DYRK2: variants seen among roughly 807,000 people sequenced by gnomAD.
The protein encoded by DYRK2 is dual specificity tyrosine phosphorylation regulated kinase 2.
In DYRK2, 12 loss-of-function variants were observed where a neutral mutation model predicts 41.6. The ratio of observed to expected loss-of-function variants is 0.29; its 90% CI spans 0.18 to 0.47. The LOEUF is 0.47. DYRK2 is among the 20% of genes least tolerant of loss of function. DYRK2 has a pLI of 1.00. For synonymous variants in DYRK2, 322 were observed against 315.7 expected (o/e 1.02, Z -0.21); for missense variants, 678 against 798.4 (o/e 0.85, Z 1.82).
Position 67,657,116 on chromosome 12 carries a change from G to A in DYRK2, c.209G>A (p.Ser70Asn), listed in dbSNP as rs1370110230. Reference sequence around the variant, plus strand: ...CTGTCTGAATTCCAGATTGGCGGCAGTAAGCACACAATGAATGATCACCTG... The same window carrying A: ...CTGTCTGAATTCCAGATTGGCGGCAATAAGCACACAATGAATGATCACCTG... The part of the protein sequence containing the change: ...AAAAAHTIGG[S>N]KHTMNDHLHV... Residue 70 changes from serine to asparagine, a missense_variant, in exon 3 of 3, where the codon AGT becomes AAT. Coordinates refer to ENST00000344096, the MANE Select transcript of DYRK2 (RefSeq NM_006482.3). The surrounding 1 kb of genome is among the most constrained non-coding windows in gnomAD (Gnocchi z 4.8). 1 of 1,554,562 alleles carries A rather than the reference G, an allele frequency of 6.4e-7. No individual in the cohort carries two copies. The highest frequency in any genetic ancestry group is 2.3e-5 in the East Asian group (1 of 44,240).
rs538343678 is a variant in DYRK2, at chr12:67,661,109, T to C, written c.*2396T>C. 7.8e-4 allele frequency: 130 copies of C among 166,468 alleles called. No homozygotes were observed. Among genetic ancestry groups the C allele is most frequent in the Middle Eastern group, 3.4e-3 (1 of 296 alleles). 10.3% of individuals were successfully genotyped at this position (166,468 alleles called of 1,614,324 possible). On this transcript the variant is annotated 3_prime_UTR_variant, in exon 3 of 3. Coordinates refer to ENST00000344096, the MANE Select transcript of DYRK2 (RefSeq NM_006482.3). ...CAGCACTGTAGGGCTTTTTTTTTTT[T>C]CCCTCCAAATACAGTGAAATTTTTT...
Position 67,661,766 on chromosome 12 carries a change from G to A in DYRK2, c.*3053G>A, listed in dbSNP as rs921011390. 3 of 166,636 alleles carry A rather than the reference G, an allele frequency of 1.8e-5. No homozygotes were observed. The highest frequency in any genetic ancestry group is 4.4e-5 in the Non-Finnish European group (3 of 68,062). 10.3% of individuals were successfully genotyped at this position (166,636 alleles called of 1,614,324 possible). A position where few individuals can be genotyped will look rare whatever the true frequency, so the allele number is the denominator to read the frequency against. ...ATTTAAGGGGTTAAAGATGGTCTTT[G>A]TTGTATCTTAACATCAGACTGATTT... is the stretch of plus-strand genomic sequence containing the variant. On this transcript the variant is annotated 3_prime_UTR_variant, in exon 3 of 3. Coordinates refer to ENST00000344096, the MANE Select transcript of DYRK2 (RefSeq NM_006482.3).
intron 2 of DYRK2, chr12:67,651,418 G>T: frequency 3.0e-6 from 1 of 337,576 alleles, no homozygotes; most frequent in Non-Finnish European, 5.8e-6. Flanking sequence ...TGTAAGGATG[G>T]GCTTTGCTTG....
chr12:67,649,647 G>C, intron 1 of DYRK2, 150 bp from the exon 2 acceptor site: 1 of 901,752 alleles, frequency 1.1e-6, no homozygotes. Flanking sequence ...CTGGGGAGCC[G>C]TGACCCGAAC....
intron 2 of DYRK2, chr12:67,651,385 G>C (rs1300488680): frequency 6.5e-6 from 2 of 309,802 alleles, no homozygotes; most frequent in Non-Finnish European, 1.3e-5. Flanking sequence ...AGAACTATTT[G>C]GTTTGCATGT....
At chr12:67,650,389 A>C (rs940230235) in intron 2 of DYRK2, among the ~76,000 whole-genome samples, 1 of 152,106 alleles carries the variant, frequency 6.6e-6, no homozygotes, top group Admixed American at 6.5e-5. Context: ...CGATCCCCCA[A>C]AGAGCCTCCC....
At position 67,661,485 on chromosome 12, in the gene DYRK2, A is replaced by G. The variant is rs1872622460; in HGVS notation, c.*2772A>G. ...AACAGAGTGGTGCAAGACACTGTAGATTAACGGTAGAGGAGAAATTGTGCC... is the reference window on the plus strand; with the variant it reads ...AACAGAGTGGTGCAAGACACTGTAGGTTAACGGTAGAGGAGAAATTGTGCC... On this transcript the variant is annotated 3_prime_UTR_variant, in exon 3 of 3. Coordinates refer to ENST00000344096, the MANE Select transcript of DYRK2 (RefSeq NM_006482.3). 2 of 167,090 alleles carry G rather than the reference A, an allele frequency of 1.2e-5. No homozygotes were observed. Among genetic ancestry groups the G allele is most frequent in the South Asian group, 4.1e-4 (2 of 4,828 alleles). 10.4% of individuals were successfully genotyped at this position (167,090 alleles called of 1,614,324 possible). A position where few individuals can be genotyped will look rare whatever the true frequency, so the allele number is the denominator to read the frequency against.
rs1872647360 is a variant in DYRK2 at position 67,662,353 on chromosome 12, GT to G, written c.*3641del. ...CAACTGCTACAGTTCTGTCTAGGCAGTGGCTTGGGTTTTTATCGAGCAACAA... is the reference window on the plus strand; with the variant it reads ...CAACTGCTACAGTTCTGTCTAGGCAGGGCTTGGGTTTTTATCGAGCAACAA... On this transcript the variant is annotated 3_prime_UTR_variant, in exon 3 of 3. Coordinates refer to ENST00000344096, the MANE Select transcript of DYRK2 (RefSeq NM_006482.3). 6.0e-6 allele frequency: 1 copy of G among 166,992 alleles called. No individual in the cohort carries two copies. The highest frequency in any genetic ancestry group is 2.1e-4 in the South Asian group (1 of 4,822). The allele number at this position is 166,992 out of a possible 1,614,324, so 10.3% of individuals were successfully genotyped here. A position where few individuals can be genotyped will look rare whatever the true frequency, so the allele number is the denominator to read the frequency against.
At position 67,648,954 on chromosome 12, in the gene DYRK2, C is replaced by T; in HGVS notation, c.-180C>T. On this transcript the variant is annotated 5_prime_UTR_variant, in exon 1 of 3. Coordinates refer to ENST00000344096, the MANE Select transcript of DYRK2 (RefSeq NM_006482.3). ...GAGCGGGGGGCTCGCGGCGGCGGGCCCCGGCCGAGGGGATGCAGTGGACTG... is the reference window on the plus strand; with the variant it reads ...GAGCGGGGGGCTCGCGGCGGCGGGCTCCGGCCGAGGGGATGCAGTGGACTG... 1 of 417,142 alleles carries T rather than the reference C, an allele frequency of 2.4e-6. No homozygotes were observed. Among genetic ancestry groups the T allele is most frequent in the Non-Finnish European group, 4.1e-6 (1 of 243,294 alleles). 25.8% of individuals were successfully genotyped at this position (417,142 alleles called of 1,614,324 possible).
In DYRK2 at chr12:67,649,826, C is replaced by T; in HGVS notation, c.79C>T (p.Leu27Phe). 2 of 1,330,084 alleles carry T rather than the reference C, an allele frequency of 1.5e-6. No homozygotes were observed. Among genetic ancestry groups the T allele is most frequent in the East Asian group, 2.8e-5 (1 of 35,712 alleles). 82.4% of individuals were successfully genotyped at this position (1,330,084 alleles called of 1,614,324 possible). A position where few individuals can be genotyped will look rare whatever the true frequency, so the allele number is the denominator to read the frequency against. The change falls in exon 2 of 3, where the codon CTT (leucine) becomes TTT (phenylalanine). Residue 27 changes from leucine (L) to phenylalanine (F), a missense_variant. Physicochemically the swap from Leu to Phe is conservative, Grantham distance 22. Around this residue, in one of 2 missense-constraint regions of DYRK2, gnomAD observed 285 missense variants for 279.2 expected, o/e 1.02. Coordinates refer to ENST00000344096, the MANE Select transcript of DYRK2 (RefSeq NM_006482.3). ...GRGGDSAVRQ[L>F]QASPGLGAGA... ...AGGTGGGGACAGCGCCGTTCGTCAG[C>T]TTCAGGCTTCCCCGGGGCTCGGTGC...
rs1466003674 is a variant in DYRK2 at position 67,662,810 on chromosome 12, T to G, written c.*4097T>G. On this transcript the variant is annotated 3_prime_UTR_variant, in exon 3 of 3. Coordinates refer to ENST00000344096, the MANE Select transcript of DYRK2 (RefSeq NM_006482.3). ...AGTTAAAATAATTCATTCTACTAGT[T>G]TGTTCATAGCAATACTTTATTAGTT... The G allele has an allele frequency of 6.5e-6, 1 of 152,950 alleles. No homozygotes were observed. The highest frequency in any genetic ancestry group is 1.5e-5 in the Non-Finnish European group (1 of 68,018). 9.5% of individuals were successfully genotyped at this position (152,950 alleles called of 1,614,324 possible).
rs2120854746 is a variant in DYRK2, at chr12:67,661,595, G to C, written c.*2882G>C. 6.0e-6 allele frequency: 1 copy of C among 167,034 alleles called. No homozygotes were observed. Among genetic ancestry groups the C allele is most frequent in the Non-Finnish European group, 1.5e-5 (1 of 68,062 alleles). The allele number at this position is 167,034 out of a possible 1,614,324, so 10.3% of individuals were successfully genotyped here. ...GGCCTCTTTAACTCTTCGAATTCTA[G>C]TCAGTAAGAATGGAACCCATCTCTG... On this transcript the variant is annotated 3_prime_UTR_variant, in exon 3 of 3. Coordinates refer to ENST00000344096, the MANE Select transcript of DYRK2 (RefSeq NM_006482.3).
At position 67,662,210 on chromosome 12, in the gene DYRK2, T is replaced by C. The variant is rs536374891; in HGVS notation, c.*3497T>C. 2 of 167,118 alleles carry C rather than the reference T, an allele frequency of 1.2e-5. No homozygotes were observed. The highest frequency in any genetic ancestry group is 3.9e-4 in the East Asian group (2 of 5,192). 10.4% of individuals were successfully genotyped at this position (167,118 alleles called of 1,614,324 possible). A position where few individuals can be genotyped will look rare whatever the true frequency, so the allele number is the denominator to read the frequency against. ...TCTGGTCTCGGTAAAGGTTTTAATA[T>C]TGCCCAACATAATGCTGTAATAGCA... On this transcript the variant is annotated 3_prime_UTR_variant, in exon 3 of 3. Coordinates refer to ENST00000344096, the MANE Select transcript of DYRK2 (RefSeq NM_006482.3).
At position 67,662,867 on chromosome 12, in the gene DYRK2, ACAAAG is replaced by A. The variant is rs1426555196; in HGVS notation, c.*4155_*4159del. 6.6e-6 allele frequency: 1 copy of A among 152,204 alleles called. No individual in the cohort carries two copies. Among genetic ancestry groups the A allele is most frequent in the East Asian group, 1.9e-4 (1 of 5,202 alleles). 9.4% of individuals were successfully genotyped at this position (152,204 alleles called of 1,614,324 possible). A position where few individuals can be genotyped will look rare whatever the true frequency, so the allele number is the denominator to read the frequency against. Reference sequence around the variant, plus strand: ...AAGTATGCAGATTCCAAGTGGAAAAACAAAGGTTTTAGTAAGTAGTTCTTGCTTTT... The same window carrying A: ...AAGTATGCAGATTCCAAGTGGAAAAAGTTTTAGTAAGTAGTTCTTGCTTTT... On this transcript the variant is annotated 3_prime_UTR_variant, in exon 3 of 3. Coordinates refer to ENST00000344096, the MANE Select transcript of DYRK2 (RefSeq NM_006482.3).
At chr12:67,651,707 A>G (rs1872326946) in intron 2 of DYRK2, 1 of 444,630 alleles carries the variant, frequency 2.2e-6, no homozygotes, top group African/African-American at 2.0e-5. Flanking sequence ...TTATTTCTAT[A>G]ACATAGCAGA....
intron 2 of DYRK2, among the ~76,000 whole-genome samples, chr12:67,653,088 C>G (rs929565768): frequency 6.6e-6 from 1 of 152,162 alleles, no homozygotes. Flanking sequence ...CCTCAGCCTC[C>G]CAAAGTGCTG....
In DYRK2 at chr12:67,663,386, G is replaced by GA. The variant is rs1237557581; in HGVS notation, c.*4675dup. 2 of 152,078 alleles carry GA rather than the reference G, an allele frequency of 1.3e-5. No homozygotes were observed. Among genetic ancestry groups the GA allele is most frequent in the Non-Finnish European group, 2.9e-5 (2 of 67,984 alleles). The allele number at this position is 152,078 out of a possible 1,614,324, so 9.4% of individuals were successfully genotyped here. A position where few individuals can be genotyped will look rare whatever the true frequency, so the allele number is the denominator to read the frequency against. On this transcript the variant is annotated 3_prime_UTR_variant, in exon 3 of 3. Coordinates refer to ENST00000344096, the MANE Select transcript of DYRK2 (RefSeq NM_006482.3). ...GTCAGATATTACCCTCTTGTGGAAA[G>GA]AACTACCTCACATCATTATTTATTT...
In DYRK2 at chr12:67,649,970, CGGGCGGTGG is replaced by C. The variant is rs755620501; in HGVS notation, c.198+32_198+40del. On this transcript the variant is annotated intron_variant, in intron 2 of 2. Coordinates refer to ENST00000344096, the MANE Select transcript of DYRK2 (RefSeq NM_006482.3). ...GGTGAGACCCAGCCCGCGGGCGGCC[CGGGCGGTGG>C]GGGCGGGAGGGGCCCCAGGCCGAAG... 42 of 1,324,744 alleles carry C rather than the reference CGGGCGGTGG, an allele frequency of 3.2e-5. 1 individual carries two copies. The Middle Eastern group carries it at 1.4e-3, about 44-fold the overall frequency. The allele number at this position is 1,324,744 out of a possible 1,614,324, so 82.1% of individuals were successfully genotyped here.
chr12:67,651,270 G>A (rs1030519577), intron 2 of DYRK2, among the ~76,000 whole-genome samples: 1 of 152,060 alleles, frequency 6.6e-6, no homozygotes, highest in Admixed American at 6.6e-5. Flanking sequence ...TGATTTTAGG[G>A]GTTTGGATTT....
Sources: gnomAD v4.1 joint callset for allele counts (sites outside exome capture counted in the v4.1 genomes callset) on GRCh38, gnomAD v4.1.1 for gene constraint, gnomAD v4.1.1 regional missense constraint, Gnocchi (gnomAD v3.1) non-coding constraint, MANE v1.5 for transcripts, NCBI Gene and HGNC (gene_info 2026-07-23, HGNC 2026-07-21) for gene names.